TMT1A: variants seen among roughly 807,000 people sequenced by gnomAD.
TMT1A encodes the protein thiol S-methyltransferase TMT1A.
chr12:50,930,614 G>C, the TMT1A span: 1 of 152,258 alleles, frequency 6.6e-6, no homozygotes, highest in African/African-American at 2.4e-5. Context: ...CGGAGTTTTC[G>C]CTCTTGTTGC....
chr12:50,930,263 G>T, the TMT1A span: 10 of 793,964 alleles, frequency 1.3e-5, no homozygotes, highest in South Asian at 9.4e-5. Flanking sequence ...GGTTTTTTTG[G>T]TTTGTTGTTG....
the TMT1A span, chr12:50,931,487 A>T: frequency 6.6e-6 from 1 of 151,264 alleles, no homozygotes; most frequent in Admixed American, 6.6e-5. Context: ...AGGCGGGTGG[A>T]TCACGAGGTA....
the TMT1A span, among the ~76,000 whole-genome samples, chr12:50,928,437 G>A: frequency 4.6e-5 from 7 of 152,146 alleles, no homozygotes; most frequent in South Asian, 2.1e-4. Context: ...TGCCCCCTTC[G>A]CAACTGAAAA....
the TMT1A span, among the ~76,000 whole-genome samples, chr12:50,928,928 A>G: frequency 6.6e-6 from 1 of 152,030 alleles, no homozygotes; most frequent in African/African-American, 2.4e-5. Flanking sequence ...ATGCTGCCCT[A>G]TCCTATGAAG....
At chr12:50,926,639 C>T in the TMT1A span, among the ~76,000 whole-genome samples, 6 of 152,028 alleles carry the variant, frequency 3.9e-5, no homozygotes, top group African/African-American at 1.4e-4. Flanking sequence ...CTTAAAAATC[C>T]CCAAGGGATA....
the TMT1A span, among the ~76,000 whole-genome samples, chr12:50,929,304 G>T: frequency 0.5 from 75,712 of 151,940 alleles, 19,271 homozygotes; most frequent in South Asian, 0.65. Context: ...GTCTTACACT[G>T]ACCCATATAA....
At chr12:50,927,864 G>A in the TMT1A span, among the ~76,000 whole-genome samples, 1,247 of 152,072 alleles carry the variant, frequency 8.2e-3, 15 homozygotes, top group African/African-American at 0.027. Context: ...TTGCTCTGTC[G>A]CCCAGGCTGG....
the TMT1A span, among the ~76,000 whole-genome samples, chr12:50,929,036 G>A: frequency 0.016 from 2,433 of 151,952 alleles, 63 homozygotes; most frequent in African/African-American, 0.055. Context: ...TCAGGAGTTC[G>A]AGACCAGCCT....
the TMT1A span, among the ~76,000 whole-genome samples, chr12:50,928,983 A>G: frequency 1.3e-5 from 2 of 152,022 alleles, no homozygotes; most frequent in African/African-American, 4.8e-5. Context: ...CACGCCTGTA[A>G]TCCCAGCACT....
At chr12:50,926,013 T>A in the TMT1A span, among the ~76,000 whole-genome samples, 3 of 20,276 alleles carry the variant, frequency 1.5e-4, no homozygotes, top group African/African-American at 3.9e-4. Context: ...TGAAACTCCA[T>A]CTCAAAAAAA....
the TMT1A span, among the ~76,000 whole-genome samples, chr12:50,926,147 C>G: frequency 6.7e-6 from 1 of 149,862 alleles, no homozygotes; most frequent in East Asian, 2.0e-4. Flanking sequence ...AAAGGGTTAA[C>G]TTCCCTCATG....
At chr12:50,925,889 A>G in the TMT1A span, among the ~76,000 whole-genome samples, 1 of 151,754 alleles carries the variant, frequency 6.6e-6, no homozygotes, top group Non-Finnish European at 1.5e-5. Flanking sequence ...AAATACAAAA[A>G]TTAGCCAGGC....
At chr12:50,927,541 C>T in the TMT1A span, among the ~76,000 whole-genome samples, 1 of 152,172 alleles carries the variant, frequency 6.6e-6, no homozygotes. Context: ...TACTAATCTC[C>T]CAACACCGCT....
chr12:50,925,235 C>A, the TMT1A span: 1 of 1,614,142 alleles, frequency 6.2e-7, no homozygotes. Flanking sequence ...CAGGAGTTTG[C>A]GGGCCCCTCC....
At chr12:50,930,279 T>TTG in the TMT1A span, 113 of 697,890 alleles carry the variant, frequency 1.6e-4, no homozygotes, top group African/African-American at 5.2e-4. Flanking sequence ...TGTTGGTTTT[T>TTG]TTTTTTTTTT....
the TMT1A span, among the ~76,000 whole-genome samples, chr12:50,927,417 T>C: frequency 6.6e-6 from 1 of 152,192 alleles, no homozygotes; most frequent in Admixed American, 6.5e-5. Context: ...CTGTCTTGGC[T>C]CAATATCAGA....
chr12:50,927,884 G>A, the TMT1A span, among the ~76,000 whole-genome samples: 6 of 150,568 alleles, frequency 4.0e-5, no homozygotes, highest in African/African-American at 1.5e-4. Context: ...GTGTACAGTG[G>A]CATGATCTTG....
At chr12:50,930,056 G>T in the TMT1A span, 1 of 1,614,016 alleles carries the variant, frequency 6.2e-7, no homozygotes, top group Non-Finnish European at 8.5e-7. Context: ...GCCCTGGAGC[G>T]GGCCAGCTTC....
chr12:50,928,965 C>A, the TMT1A span, among the ~76,000 whole-genome samples: 19 of 151,980 alleles, frequency 1.3e-4, no homozygotes, highest in African/African-American at 4.1e-4. Context: ...GGGCCGGGCA[C>A]GGTAGCTCAC....
Sources: gnomAD v4.1 joint callset for allele counts (sites outside exome capture counted in the v4.1 genomes callset) on GRCh38, gnomAD v4.1.1 for gene constraint, MANE v1.5 for transcripts, NCBI Gene and HGNC (gene_info 2026-07-23, HGNC 2026-07-21) for gene names.